The following PTPRM variants were observed in gnomAD, a reference collection of about 807,000 sequenced individuals.
PTPRM encodes the protein receptor-type tyrosine-protein phosphatase mu.
A neutral mutation model predicts 186.7 loss-of-function variants in PTPRM; 47 were observed. The ratio of observed to expected loss-of-function variants is 0.25; its 90% CI spans 0.20 to 0.32. PTPRM has a LOEUF of 0.32. Ranked by LOEUF, PTPRM falls within the 10% of genes least tolerant of loss-of-function variation. The pLI is 1.00. For synonymous variants in PTPRM, 668 were observed against 674.9 expected (o/e 0.99, Z 0.16); for missense variants, 1,494 against 1,865.0 (o/e 0.80, Z 3.66).
chr18:7,835,505 T>C (rs2045999778), intron 2 of PTPRM, among the ~76,000 whole-genome samples: 1 of 152,136 alleles, frequency 6.6e-6, no homozygotes, highest in Non-Finnish European at 1.5e-5. Flanking sequence ...ACATATGGTC[T>C]CTCCTTGAGA....
Position 7,682,490 on chromosome 18 carries a change from A to G in PTPRM, c.74-91659A>G, listed in dbSNP as rs2039502103. ...TGCTCCCTGACTTTTATTAGGTTAC[A>G]CCTGATTTATTTTAGCTTTCTCAGG... On this transcript the variant is annotated intron_variant, in intron 1 of 32. Transcript: ENST00000580170. Among the ~76,000 whole-genome samples, 2 of 152,150 alleles carry G rather than the reference A, an allele frequency of 1.3e-5. 1 individual carries two copies. The highest frequency in any genetic ancestry group is 4.1e-4 in the South Asian group (2 of 4,828).
chr18:7,862,835 C>T (rs888793785), intron 2 of PTPRM, among the ~76,000 whole-genome samples: 15 of 152,114 alleles, frequency 9.9e-5, no homozygotes, highest in African/African-American at 3.4e-4. Context: ...CAACAGGTCT[C>T]GGTATGCAGC....
intron 2 of PTPRM, among the ~76,000 whole-genome samples, chr18:7,782,032 G>A (rs2042881417): frequency 6.6e-6 from 1 of 152,202 alleles, no homozygotes; most frequent in Admixed American, 6.5e-5. Context: ...GGTGAATGAT[G>A]AGACAAAGCA....
intron 7 of PTPRM, among the ~76,000 whole-genome samples, chr18:8,039,214 T>C (rs1384989259): frequency 2.6e-5 from 4 of 152,122 alleles, no homozygotes; most frequent in Non-Finnish European, 5.9e-5. Context: ...ATATAAACCA[T>C]GCATAAGAAA....
At chr18:7,579,248 A>G (rs2036781909) in intron 1 of PTPRM, among the ~76,000 whole-genome samples, 2 of 152,224 alleles carry the variant, frequency 1.3e-5, no homozygotes, top group Admixed American at 1.3e-4. Context: ...CACCTGAAGC[A>G]CTTGTTAAAA....
intron 1 of PTPRM, among the ~76,000 whole-genome samples, chr18:7,663,976 G>T (rs953662809): frequency 1.3e-5 from 2 of 152,146 alleles, no homozygotes; most frequent in Admixed American, 1.3e-4. Context: ...GCTTGGGCCC[G>T]CCACCTCAAC....
At chr18:7,754,437 A>C (rs1179433610) in intron 1 of PTPRM, among the ~76,000 whole-genome samples, 1 of 152,218 alleles carries the variant, frequency 6.6e-6, no homozygotes, top group Non-Finnish European at 1.5e-5. Flanking sequence ...TGAGTATGTG[A>C]AGAGTAAACC....
rs549266306 is a variant in PTPRM at position 8,206,517 on chromosome 18, G to T, written c.2301-37541G>T. On this transcript the variant is annotated intron_variant, in intron 14 of 32. Transcript: ENST00000580170. Reference sequence around the variant, plus strand: ...CCCGCCTCAGCCTCCCAAAGTGCTGGGATTACAGTCGTGAACCACCGCGCC... The same window carrying T: ...CCCGCCTCAGCCTCCCAAAGTGCTGTGATTACAGTCGTGAACCACCGCGCC... 2.6e-5 allele frequency among the ~76,000 whole-genome samples: 4 copies of T among 152,128 alleles called. No individual in the cohort carries two copies. The East Asian group carries it at 7.7e-4, about 29-fold the overall frequency.
chr18:7,573,230 C>A (rs764293212), intron 1 of PTPRM, among the ~76,000 whole-genome samples: 6 of 152,258 alleles, frequency 3.9e-5, no homozygotes, highest in Non-Finnish European at 8.8e-5. Context: ...TCCCCTTGTG[C>A]CCTCTTAGCT....
At chr18:8,265,916 A>G (rs80030640) in intron 19 of PTPRM, among the ~76,000 whole-genome samples, 1 of 152,148 alleles carries the variant, frequency 6.6e-6, no homozygotes, top group South Asian at 2.1e-4. Flanking sequence ...CATGGATGGA[A>G]TGTTTTTCAG....
At chr18:7,572,542 TTTTG>T (rs1205764287) in intron 1 of PTPRM, among the ~76,000 whole-genome samples, 3 of 152,188 alleles carry the variant, frequency 2.0e-5, no homozygotes, top group Admixed American at 1.3e-4. Flanking sequence ...TTCTTTCAAT[TTTTG>T]TTTTAGATTT....
intron 2 of PTPRM, among the ~76,000 whole-genome samples, chr18:7,841,112 C>T (rs1893704522): frequency 6.6e-6 from 1 of 151,990 alleles, no homozygotes. Flanking sequence ...ATGTTGAGCC[C>T]ATGGTGAATT....
chr18:7,807,840 G>A (rs573090609), intron 2 of PTPRM, among the ~76,000 whole-genome samples: 28 of 152,320 alleles, frequency 1.8e-4, no homozygotes, highest in African/African-American at 6.0e-4. Context: ...AATAATTGAC[G>A]CAGTGTGGGT....
intron 2 of PTPRM, among the ~76,000 whole-genome samples, chr18:7,817,680 T>C (rs2044917761): frequency 6.6e-6 from 1 of 152,262 alleles, no homozygotes; most frequent in Non-Finnish European, 1.5e-5. Flanking sequence ...ACTTTGGCTG[T>C]TCTGTTTTGC....
intron 23 of PTPRM, among the ~76,000 whole-genome samples, chr18:8,352,979 T>A (rs2095544113): frequency 6.6e-6 from 1 of 152,176 alleles, no homozygotes; most frequent in East Asian, 1.9e-4. Context: ...CCGATTTCGT[T>A]TTTTATGGCT....
intron 3 of PTPRM, among the ~76,000 whole-genome samples, chr18:7,900,665 G>C (rs1001927972): frequency 8.5e-5 from 13 of 152,184 alleles, no homozygotes; most frequent in Non-Finnish European, 1.6e-4. Flanking sequence ...AAGCAAAATA[G>C]ATCTAGGATT....
At chr18:8,397,788 C>T (rs974561633) in intron 32 of PTPRM, among the ~76,000 whole-genome samples, 30 of 152,308 alleles carry the variant, frequency 2.0e-4, no homozygotes, top group African/African-American at 7.2e-4. Flanking sequence ...TTTTGCCTTC[C>T]TTAATGGCTT....
Position 8,247,827 on chromosome 18 carries a change from C to T in PTPRM, c.2453-18C>T. 1 of 1,563,982 alleles carries T rather than the reference C, an allele frequency of 6.4e-7. No individual in the cohort carries two copies. Among genetic ancestry groups the T allele is most frequent in the East Asian group, 2.2e-5 (1 of 44,622 alleles). On this transcript the variant is annotated intron_variant, in intron 15 of 32. Coordinates refer to ENST00000580170, the MANE Select transcript of PTPRM (RefSeq NM_001105244.2). ...TTACCTCTCTGCTGCCCCTGACCAGCCTCTCTTTTATTTACAGCTGTGTCT... is the reference window on the plus strand; with the variant it reads ...TTACCTCTCTGCTGCCCCTGACCAGTCTCTCTTTTATTTACAGCTGTGTCT...
rs79134854 is a variant in PTPRM at position 8,139,799 on chromosome 18, A to C, written c.2168-3848A>C. On this transcript the variant is annotated intron_variant, in intron 13 of 32. Transcript: ENST00000580170. ...CTGCCTTGCCTTCACCCCCCAGCCC[A>C]CTCCCCTTGATTTTTCTCTACAGCT... 3.4e-3 allele frequency among the ~76,000 whole-genome samples: 510 copies of C among 150,262 alleles called. 1 individual carries two copies. Among genetic ancestry groups the C allele is most frequent in the African/African-American group, 0.012 (485 of 40,752 alleles).
Sources: gnomAD v4.1 joint callset for allele counts (sites outside exome capture counted in the v4.1 genomes callset) on GRCh38, gnomAD v4.1.1 for gene constraint, MANE v1.5 for transcripts, NCBI Gene and HGNC (gene_info 2026-07-23, HGNC 2026-07-21) for gene names.